The following TOX3 variants were observed in gnomAD, a reference collection of about 807,000 sequenced individuals.
TOX3 encodes TOX high mobility group box family member 3.
TOX3 carries 22 observed loss-of-function variants against 64.3 expected under a neutral mutation model. The observed-to-expected ratio is 0.34, with a 90% confidence interval of 0.24 to 0.49. The LOEUF (loss-of-function observed/expected upper bound fraction) is 0.49. Ranked by LOEUF, TOX3 falls within the 20% of genes least tolerant of loss-of-function variation. TOX3 has a pLI of 0.99. For missense variants in TOX3, 661 were observed against 714.4 expected (o/e 0.93, Z 0.85); for synonymous variants, 291 against 273.6 (o/e 1.06, Z -0.63).
At chr16:52,492,980 G>C (rs995749381) in intron 1 of TOX3, among the ~76,000 whole-genome samples, 4 of 151,880 alleles carry the variant, frequency 2.6e-5, no homozygotes. Flanking sequence ...AAAACAGGTG[G>C]GTTTTTCCCT....
At chr16:52,464,757 A>G (rs958242554) in intron 2 of TOX3, among the ~76,000 whole-genome samples, 48 of 152,204 alleles carry the variant, frequency 3.2e-4, no homozygotes, top group African/African-American at 1.2e-3. Context: ...AATGTTTTAT[A>G]TAAGGATTAT....
Position 52,546,888 on chromosome 16 carries a change from C to T in TOX3, c.-165G>A. 2.6e-6 allele frequency: 3 copies of T among 1,158,212 alleles called. No individual in the cohort carries two copies. The highest frequency in any genetic ancestry group is 3.2e-6 in the Non-Finnish European group (3 of 941,326). The allele number at this position is 1,158,212 out of a possible 1,614,324, so 71.7% of individuals were successfully genotyped here. A position where few individuals can be genotyped will look rare whatever the true frequency, so the allele number is the denominator to read the frequency against. ...CAGAGCCCGAGGAGCTCGGGAGCCG[C>T]GGCCGCCGCACACAAAGGCGCGGCC... On this transcript the variant is annotated 5_prime_UTR_variant, in exon 1 of 7. Transcript: ENST00000219746.
At chr16:52,462,143 A>G (rs1487640064) in intron 3 of TOX3, among the ~76,000 whole-genome samples, 1 of 152,158 alleles carries the variant, frequency 6.6e-6, no homozygotes, top group Non-Finnish European at 1.5e-5. Flanking sequence ...AAATGTGATG[A>G]GGTCCATGTA....
At chr16:52,447,870 T>C (rs1424332492) in intron 4 of TOX3, among the ~76,000 whole-genome samples, 1 of 152,186 alleles carries the variant, frequency 6.6e-6, no homozygotes, top group African/African-American at 2.4e-5. Context: ...GTCAAACAAC[T>C]ATATTCTTCT....
intron 6 of TOX3, among the ~76,000 whole-genome samples, chr16:52,440,765 T>TTC (rs1959950725): frequency 8.0e-6 from 1 of 124,426 alleles, no homozygotes; most frequent in Non-Finnish European, 1.6e-5. Context: ...TTTTTTTTTT[T>TTC]TTTTTTTTTT....
chr16:52,473,347 G>T (rs1047990681), intron 1 of TOX3, among the ~76,000 whole-genome samples: 3 of 150,454 alleles, frequency 2.0e-5, no homozygotes, highest in Non-Finnish European at 2.9e-5. Flanking sequence ...CAGCTAAATG[G>T]CACAAACTTA....
At position 52,439,496 on chromosome 16, in the gene TOX3, T is replaced by G; in HGVS notation, c.1460A>C (p.Gln487Pro). Residue 487 changes from glutamine (Q) to proline (P), a missense_variant, in exon 7 of 7, where the codon CAG becomes CCG. Gln to Pro is a moderately conservative substitution (Grantham distance 76). Around this residue, in one of 3 missense-constraint regions of TOX3, gnomAD observed 299 missense variants for 292.1 expected, o/e 1.02. Coordinates refer to ENST00000219746, the MANE Select transcript of TOX3 (RefSeq NM_001080430.4). ...CTGCTGCTGCTGCTGCAGGTGCTGC[T>G]GCATGTGGTGCTGGAAATGCTGCTG... ...MQQQHFQHHM[Q>P]QHLQQQQQHL... The G allele has an allele frequency of 7.2e-7, 1 of 1,393,126 alleles. No individual in the cohort carries two copies. Among genetic ancestry groups the G allele is most frequent in the East Asian group, 2.5e-5 (1 of 40,202 alleles). The allele number at this position is 1,393,126 out of a possible 1,614,324, so 86.3% of individuals were successfully genotyped here.
intron 1 of TOX3, among the ~76,000 whole-genome samples, chr16:52,520,728 T>G (rs45563239): frequency 0.011 from 1,730 of 152,292 alleles, 16 homozygotes; most frequent in Admixed American, 0.017. Context: ...TGTCTGAATA[T>G]TCACATAAAG....
chr16:52,464,949 G>C (rs1221722163), intron 2 of TOX3, among the ~76,000 whole-genome samples: 1 of 142,866 alleles, frequency 7.0e-6, no homozygotes, highest in East Asian at 2.0e-4. Flanking sequence ...ATTTGATGCT[G>C]TTCGCTTACT....
At chr16:52,453,629 G>C (rs1567314510) in intron 3 of TOX3, among the ~76,000 whole-genome samples, 2 of 152,190 alleles carry the variant, frequency 1.3e-5, no homozygotes, top group Admixed American at 6.5e-5. Flanking sequence ...GTCATGAAAT[G>C]TGATCATCTG....
At chr16:52,465,770 A>C (rs1029756017) in intron 2 of TOX3, among the ~76,000 whole-genome samples, 1 of 152,170 alleles carries the variant, frequency 6.6e-6, no homozygotes, top group East Asian at 1.9e-4. Context: ...GTCAAATGTT[A>C]TTTGTATCTC....
chr16:52,490,626 A>AT (rs3086679), intron 1 of TOX3, among the ~76,000 whole-genome samples: 2,388 of 99,052 alleles, frequency 0.024, 93 homozygotes, highest in African/African-American at 0.042. Flanking sequence ...CTAGGATGTA[A>AT]TTTTTTTTTT....
At chr16:52,479,402 G>A (rs530670905) in intron 1 of TOX3, among the ~76,000 whole-genome samples, 30 of 152,210 alleles carry the variant, frequency 2.0e-4, no homozygotes, top group Non-Finnish European at 4.1e-4. Flanking sequence ...AAGGAGACTT[G>A]CGAATGTTTG....
chr16:52,466,150 A>G (rs1185066854), intron 2 of TOX3, among the ~76,000 whole-genome samples: 1 of 152,210 alleles, frequency 6.6e-6, no homozygotes, highest in African/African-American at 2.4e-5. Context: ...CTAACATATC[A>G]CATTAACAAT....
At chr16:52,533,937 G>T (rs1962899194) in intron 1 of TOX3, among the ~76,000 whole-genome samples, 1 of 152,144 alleles carries the variant, frequency 6.6e-6, no homozygotes, top group South Asian at 2.1e-4. Flanking sequence ...TGCCCTCTCT[G>T]GGCCTGGAAG....
chr16:52,444,165 A>G (rs1034566377), intron 6 of TOX3, 111 bp downstream of exon 6: 38 of 757,570 alleles, frequency 5.0e-5, no homozygotes, highest in Non-Finnish European at 7.4e-5. Flanking sequence ...AAGTTGTTCA[A>G]GATGCCTTTC....
chr16:52,444,645 C>A, intron 5 of TOX3: 1 of 274,938 alleles, frequency 3.6e-6, no homozygotes, highest in East Asian at 6.5e-5. Flanking sequence ...ACTTGAGAAT[C>A]ACTTTTTCTT....
chr16:52,447,607 A>G (rs1960200568), intron 4 of TOX3, among the ~76,000 whole-genome samples: 1 of 152,266 alleles, frequency 6.6e-6, no homozygotes, highest in African/African-American at 2.4e-5. Flanking sequence ...TTTAAGTCAT[A>G]TCTCACTTCT....
chr16:52,522,237 T>C (rs1357190747), intron 1 of TOX3, among the ~76,000 whole-genome samples: 2 of 152,248 alleles, frequency 1.3e-5, no homozygotes, highest in African/African-American at 4.8e-5. Flanking sequence ...ATGAGGTTCA[T>C]AGGCTTTGTC....
Sources: gnomAD v4.1 joint callset for allele counts (sites outside exome capture counted in the v4.1 genomes callset) on GRCh38, gnomAD v4.1.1 for gene constraint, gnomAD v4.1.1 regional missense constraint, MANE v1.5 for transcripts, NCBI Gene and HGNC (gene_info 2026-07-23, HGNC 2026-07-21) for gene names.